Variants in FILIP1L observed in about 807,000 individuals in gnomAD.
FILIP1L encodes the protein filamin A-interacting protein 1-like.
In FILIP1L, 55 loss-of-function variants were observed where a neutral mutation model predicts 96.6. The observed-to-expected ratio is 0.57, with a 90% confidence interval of 0.46 to 0.71. The LOEUF (loss-of-function observed/expected upper bound fraction) is 0.71. Among genes scored for constraint, FILIP1L ranks in the 30% least tolerant of loss-of-function variants. The probability of loss-of-function intolerance (pLI) is 0.00; values close to 1 mark genes in which losing one functional copy is unlikely to be tolerated. For missense variants in FILIP1L, 1,304 were observed against 1,321.2 expected (o/e 0.99, Z 0.20); for synonymous variants, 467 against 473.9 (o/e 0.99, Z 0.19).
At chr3:100,081,396 CCCACTGT>C (rs1472362232) in intron 1 of FILIP1L, among the ~76,000 whole-genome samples, 3 of 152,194 alleles carry the variant, frequency 2.0e-5, no homozygotes, top group African/African-American at 7.2e-5. Context: ...TCTTTGAAAG[CCCACTGT>C]CATACTCTTA....
At chr3:99,977,326 A>G (rs1321599351) in intron 1 of FILIP1L, among the ~76,000 whole-genome samples, 2 of 152,124 alleles carry the variant, frequency 1.3e-5, no homozygotes, top group Non-Finnish European at 2.9e-5. Flanking sequence ...TCCATCTTAG[A>G]AAGGTTGATC....
At chr3:99,924,918 T>A (rs1335177990) in intron 3 of FILIP1L, among the ~76,000 whole-genome samples, 1 of 152,220 alleles carries the variant, frequency 6.6e-6, no homozygotes, top group Non-Finnish European at 1.5e-5. Flanking sequence ...TTTATTGCCA[T>A]CAAATTTTTC....
chr3:99,951,123 T>A (rs924557109), intron 1 of FILIP1L, among the ~76,000 whole-genome samples: 3 of 152,192 alleles, frequency 2.0e-5, no homozygotes, highest in African/African-American at 7.2e-5. Context: ...CATAGGCCTT[T>A]GCCTGTGCTG....
At chr3:99,890,693 T>C (rs1706055768) in intron 4 of FILIP1L, among the ~76,000 whole-genome samples, 1 of 152,054 alleles carries the variant, frequency 6.6e-6, no homozygotes, top group Admixed American at 6.5e-5. Context: ...TTTTCTATAG[T>C]CTTTTACTTT....
intron 1 of FILIP1L, among the ~76,000 whole-genome samples, chr3:100,097,017 G>T (rs1278521980): frequency 2.6e-5 from 4 of 152,230 alleles, no homozygotes; most frequent in Non-Finnish European, 4.4e-5. Context: ...CCACTCTGTG[G>T]CCTGTTAGGA....
At chr3:99,994,913 A>C (rs375299221) in intron 1 of FILIP1L, among the ~76,000 whole-genome samples, 1 of 152,256 alleles carries the variant, frequency 6.6e-6, no homozygotes, top group East Asian at 1.9e-4. Context: ...CCCTCCCACA[A>C]CACATGGGAA....
At chr3:99,833,179 A>G in intron 5 of FILIP1L, 1 of 1,495,144 alleles carries the variant, frequency 6.7e-7, no homozygotes, top group South Asian at 1.1e-5. Context: ...TGCTTAACCC[A>G]GTTCAACATG....
At chr3:100,021,950 TGTGTGTGTGTGAGAGAGA>T (rs1208284383) in intron 1 of FILIP1L, among the ~76,000 whole-genome samples, 132 of 128,982 alleles carry the variant, frequency 1.0e-3, no homozygotes, top group Admixed American at 2.4e-3. Context: ...TGTGTGTGTG[TGTGTGTGTGTGAGAGAGA>T]GAGAGAGAGA....
chr3:99,887,980 G>A (rs1705963891), intron 4 of FILIP1L, among the ~76,000 whole-genome samples: 1 of 152,050 alleles, frequency 6.6e-6, no homozygotes, highest in Admixed American at 6.6e-5. Flanking sequence ...GAAGGTTCAA[G>A]CAATCCATCC....
intron 4 of FILIP1L, among the ~76,000 whole-genome samples, chr3:99,902,838 G>A (rs1310574356): frequency 1.3e-5 from 2 of 152,136 alleles, no homozygotes; most frequent in East Asian, 3.8e-4. Context: ...TCCATGTGAA[G>A]ATAGTCTGAA....
intron 1 of FILIP1L, among the ~76,000 whole-genome samples, chr3:100,036,396 C>A (rs1255190708): frequency 1.3e-5 from 2 of 152,138 alleles, no homozygotes; most frequent in African/African-American, 2.4e-5. Flanking sequence ...CAAAAGGACA[C>A]CAGAGTTGGC....
chr3:100,005,482 T>C (rs1161341420), intron 1 of FILIP1L, among the ~76,000 whole-genome samples: 2 of 152,232 alleles, frequency 1.3e-5, no homozygotes. Flanking sequence ...TCTATATTTA[T>C]AGCATCCCTG....
intron 4 of FILIP1L, among the ~76,000 whole-genome samples, chr3:99,890,183 T>C (rs1357228833): frequency 6.6e-6 from 1 of 152,146 alleles, no homozygotes. Flanking sequence ...GTCAGTACAT[T>C]GAAGATATTA....
At position 99,849,083 on chromosome 3, in the gene FILIP1L, A is replaced by G; in HGVS notation, c.2593T>C (p.Trp865Arg). The G allele has an allele frequency of 6.2e-7, 1 of 1,614,174 alleles. No individual in the cohort carries two copies. ...AGATGGCCCTCCTTGGATTTCATCC[A>G]GGGAATCCATAGCTTTCTGTTAACA... The part of the protein sequence containing the change: ...CPVNRKLWIP[W>R]MKSKEGHLQN... The change falls in exon 5 of 6, where the codon TGG (tryptophan) becomes CGG (arginine). Residue 865 changes from tryptophan (W) to arginine (R), a missense_variant. Trp to Arg is a moderately radical substitution (Grantham distance 101). Coordinates refer to ENST00000477258, the MANE Select transcript of FILIP1L (RefSeq NM_001387850.1).
At chr3:100,055,480 T>A (rs1198157667) in intron 1 of FILIP1L, among the ~76,000 whole-genome samples, 1 of 152,218 alleles carries the variant, frequency 6.6e-6, no homozygotes, top group Non-Finnish European at 1.5e-5. Context: ...TTGTCTCTCG[T>A]TAAGTATTTG....
intron 1 of FILIP1L, among the ~76,000 whole-genome samples, chr3:99,944,686 C>T (rs183177792): frequency 1.4e-4 from 21 of 152,304 alleles, no homozygotes; most frequent in Non-Finnish European, 2.8e-4. Flanking sequence ...CAGAGCCCAC[C>T]CAGTCTTTGC....
intron 4 of FILIP1L, among the ~76,000 whole-genome samples, chr3:99,873,575 C>A: frequency 6.6e-6 from 1 of 152,140 alleles, no homozygotes. Flanking sequence ...CAGAACATGA[C>A]CTAAGCAGAA....
At chr3:100,028,905 A>G (rs919343308) in intron 1 of FILIP1L, among the ~76,000 whole-genome samples, 1 of 152,088 alleles carries the variant, frequency 6.6e-6, no homozygotes, top group Admixed American at 6.6e-5. Flanking sequence ...ACACACAAAG[A>G]CACACACACA....
chr3:100,002,937 G>C (rs1300651352), intron 1 of FILIP1L, among the ~76,000 whole-genome samples: 1 of 152,194 alleles, frequency 6.6e-6, no homozygotes, highest in Non-Finnish European at 1.5e-5. Context: ...CTGCAAATCA[G>C]ACATTCTTGC....
Sources: gnomAD v4.1 joint callset for allele counts (sites outside exome capture counted in the v4.1 genomes callset) on GRCh38, gnomAD v4.1.1 for gene constraint, MANE v1.5 for transcripts, NCBI Gene and HGNC (gene_info 2026-07-23, HGNC 2026-07-21) for gene names.